Variants in KIDINS220 observed in about 807,000 individuals in gnomAD.
KIDINS220 encodes the protein kinase D-interacting substrate of 220 kDa.
KIDINS220 carries 63 observed loss-of-function variants against 157.6 expected under a neutral mutation model. The observed-to-expected ratio is 0.40, with a 90% CI of 0.33 to 0.49. The LOEUF (loss-of-function observed/expected upper bound fraction) is 0.49. KIDINS220 is among the 20% of genes least tolerant of loss of function. The pLI is 0.66. For synonymous variants in KIDINS220, 732 were observed against 783.6 expected, an observed-to-expected ratio of 0.93 and a Z score of 1.10; for missense variants, 1,772 against 2,171.2, an observed-to-expected ratio of 0.82 and a Z score of 3.65.
chr2:8,750,396 A>G, intron 23 of KIDINS220, 61 bp from the exon 24 acceptor site: 3 of 1,138,054 alleles, frequency 2.6e-6, no homozygotes, highest in African/African-American at 1.6e-5. Flanking sequence ...AATCAGTCCA[A>G]TTATCACATT....
rs775211130 is a variant in KIDINS220, at chr2:8,751,651, A to G, written c.3012-7T>C. On this transcript the variant is annotated splice_polypyrimidine_tract_variant and splice_region_variant and intron_variant, in intron 22 of 29. Coordinates refer to ENST00000256707, the MANE Select transcript of KIDINS220 (RefSeq NM_020738.4). The stretch of plus-strand genomic sequence containing the variant: ...TGGAATATTCTTTGATATTCTTCAA[A>G]TAAGAAATCAATGAAAAAGGTTATT... The G allele has an allele frequency of 1.9e-6, 3 of 1,562,952 alleles. No individual in the cohort carries two copies. Among genetic ancestry groups the G allele is most frequent in the Admixed American group, 3.7e-5 (2 of 54,308 alleles).
At chr2:8,819,642 G>A (rs1344651692) in intron 2 of KIDINS220, among the ~76,000 whole-genome samples, 10 of 152,078 alleles carry the variant, frequency 6.6e-5, no homozygotes, top group Non-Finnish European at 1.2e-4. Context: ...TGACCAACAT[G>A]GTGAAACCCT....
At chr2:8,836,575 T>G (rs190785335) in intron 1 of KIDINS220, among the ~76,000 whole-genome samples, 1 of 152,308 alleles carries the variant, frequency 6.6e-6, no homozygotes, top group Admixed American at 6.5e-5. Context: ...ATGATTCTGA[T>G]GAAAGTAGTC....
At chr2:8,819,549 C>G (rs1001551544) in intron 2 of KIDINS220, among the ~76,000 whole-genome samples, 1 of 152,156 alleles carries the variant, frequency 6.6e-6, no homozygotes, top group East Asian at 1.9e-4. Flanking sequence ...TTAGGCCGAG[C>G]GCAGTGGCTC....
chr2:8,769,664 C>T (rs1572576174), intron 22 of KIDINS220, among the ~76,000 whole-genome samples: 1 of 152,130 alleles, frequency 6.6e-6, no homozygotes, highest in African/African-American at 2.4e-5. Context: ...CATAATTATA[C>T]AGCACTTGTA....
At chr2:8,788,596 T>A (rs1558424031) in intron 15 of KIDINS220, 51 bp downstream of exon 15, 1 of 1,564,124 alleles carries the variant, frequency 6.4e-7, no homozygotes, top group Non-Finnish European at 8.7e-7. Context: ...GTGAAAAATA[T>A]TTTTTTCTGA....
In KIDINS220 at chr2:8,730,958, T is replaced by C. The variant is rs1437070705; in HGVS notation, c.5078A>G (p.Asn1693Ser). ...VTLNNNSAPA[N>S]RANQNFDEME... ...CTCATCGAAATTTTGATTGGCTCTG[T>C]TGGCTGGAGCACTATTGTTGTTCAG... The change falls in exon 30 of 30, where the codon AAC (asparagine) becomes AGC (serine). Residue 1693 changes from asparagine (N) to serine (S), a missense_variant. By Grantham distance (46) the Asn-to-Ser change is conservative. Coordinates refer to ENST00000256707, the MANE Select transcript of KIDINS220 (RefSeq NM_020738.4). The C allele has an allele frequency of 5.6e-6, 9 of 1,614,130 alleles. No homozygotes were observed. Among genetic ancestry groups the C allele is most frequent in the African/African-American group, 1.3e-5 (1 of 74,940 alleles).
At chr2:8,802,555 C>G (rs1337785834) in intron 8 of KIDINS220, among the ~76,000 whole-genome samples, 1 of 152,142 alleles carries the variant, frequency 6.6e-6, no homozygotes, top group African/African-American at 2.4e-5. Flanking sequence ...GTGAAAAAAG[C>G]AAGGCATCTG....
intron 12 of KIDINS220, among the ~76,000 whole-genome samples, chr2:8,793,390 G>A (rs2148287270): frequency 6.6e-6 from 1 of 152,246 alleles, no homozygotes; most frequent in Admixed American, 6.5e-5. Context: ...CAAGTACTCA[G>A]GAGGCTGAGG....
At chr2:8,816,155 T>C (rs539833126) in intron 4 of KIDINS220, among the ~76,000 whole-genome samples, 74 of 152,350 alleles carry the variant, frequency 4.9e-4, no homozygotes, top group Admixed American at 1.1e-3. Context: ...TTTCTGGTCA[T>C]CACTTTGAAG....
At chr2:8,798,672 C>T (rs879245499) in intron 9 of KIDINS220, among the ~76,000 whole-genome samples, 1 of 152,154 alleles carries the variant, frequency 6.6e-6, no homozygotes, top group Non-Finnish European at 1.5e-5. Context: ...GTAAGTATTG[C>T]CCAATTTTTC....
chr2:8,732,701 T>C (rs1664295711), intron 29 of KIDINS220, among the ~76,000 whole-genome samples: 1 of 152,154 alleles, frequency 6.6e-6, no homozygotes, highest in African/African-American at 2.4e-5. Context: ...AGTGAATTTG[T>C]TGGGGACCTT....
chr2:8,812,171 C>G (rs1292668773), intron 6 of KIDINS220, among the ~76,000 whole-genome samples: 1 of 152,142 alleles, frequency 6.6e-6, no homozygotes, highest in Admixed American at 6.5e-5. Context: ...GGTCAGTTTT[C>G]TTGGGAATGA....
chr2:8,732,406 G>A (rs574920385), intron 29 of KIDINS220, among the ~76,000 whole-genome samples: 1 of 152,286 alleles, frequency 6.6e-6, no homozygotes, highest in South Asian at 2.1e-4. Context: ...CACAGCACTT[G>A]TTTTTATAAC....
chr2:8,833,615 C>A (rs969479294), intron 1 of KIDINS220, among the ~76,000 whole-genome samples: 1 of 151,918 alleles, frequency 6.6e-6, no homozygotes, highest in Non-Finnish European at 1.5e-5. Context: ...ATACCCAACA[C>A]TTAGCTTAAT....
rs1420410576 is a variant in KIDINS220, at chr2:8,733,743, A to G, written c.3817-63T>C. ...ATCATATTTTAGAAGCTTTAGAAATATTTAGAAATACCAAACATTATAAAG... is the reference window on the plus strand; with the variant it reads ...ATCATATTTTAGAAGCTTTAGAAATGTTTAGAAATACCAAACATTATAAAG... On this transcript the variant is annotated intron_variant, in intron 28 of 29. Transcript: ENST00000256707. 3 of 1,092,056 alleles carry G rather than the reference A, an allele frequency of 2.7e-6. No individual in the cohort carries two copies. The East Asian group carries it at 7.7e-5, about 28-fold the overall frequency. 67.6% of individuals were successfully genotyped at this position (1,092,056 alleles called of 1,614,324 possible). A position where few individuals can be genotyped will look rare whatever the true frequency, so the allele number is the denominator to read the frequency against.
At chr2:8,818,664 T>C (rs1288683867) in intron 3 of KIDINS220, 31 bp downstream of exon 3, 1 of 1,273,512 alleles carries the variant, frequency 7.9e-7, no homozygotes, top group Non-Finnish European at 1.1e-6. Flanking sequence ...AAAAAGTGAG[T>C]AAATGATGAG....
rs772740508 is a variant in KIDINS220, at chr2:8,779,007, G to A, written c.2503C>T (p.Arg835Cys). 2.5e-6 allele frequency: 4 copies of A among 1,613,956 alleles called. No individual in the cohort carries two copies. Among genetic ancestry groups the A allele is most frequent in the African/African-American group, 1.3e-5 (1 of 74,898 alleles). ...DSNINGHDYM[R>C]NIVHLPVFLN... ...AACACAGGCAAGTGGACTATGTTGC[G>A]CATGTAGTCATGGCCATTTATATTT... is the stretch of plus-strand genomic sequence containing the variant. Residue 835 changes from arginine to cysteine, a missense_variant, in exon 19 of 30, where the codon CGC (arginine) becomes TGC (cysteine). Arg to Cys is a radical substitution (Grantham distance 180, BLOSUM62 -3). Around this residue, in one of 3 missense-constraint regions of KIDINS220, gnomAD observed 725 missense variants for 1,017.1 expected, o/e 0.71. Coordinates refer to ENST00000256707, the MANE Select transcript of KIDINS220 (RefSeq NM_020738.4).
At chr2:8,763,562 T>C (rs902392059) in intron 22 of KIDINS220, among the ~76,000 whole-genome samples, 2 of 152,212 alleles carry the variant, frequency 1.3e-5, no homozygotes, top group Admixed American at 1.3e-4. Flanking sequence ...ACATAATATA[T>C]TAGCTACTAC....
Sources: gnomAD v4.1 joint callset for allele counts (sites outside exome capture counted in the v4.1 genomes callset) on GRCh38, gnomAD v4.1.1 for gene constraint, gnomAD v4.1.1 regional missense constraint, MANE v1.5 for transcripts, NCBI Gene and HGNC (gene_info 2026-07-23, HGNC 2026-07-21) for gene names.